The following SORBS2 variants were observed in gnomAD, a reference collection of about 807,000 sequenced individuals.
The protein encoded by SORBS2 is sorbin and SH3 domain containing 2.
In SORBS2, 46 loss-of-function variants were observed where a neutral mutation model predicts 97.7. The ratio of observed to expected loss-of-function variants is 0.47; its 90% CI spans 0.37 to 0.60. The LOEUF is 0.60. Among genes scored for constraint, SORBS2 ranks in the 20% least tolerant of loss-of-function variants. The pLI, the probability that SORBS2 is intolerant of heterozygous loss-of-function variation, is 0.00. For missense variants in SORBS2, 1,316 were observed against 1,282.3 expected (o/e 1.03, Z -0.40); for synonymous variants, 476 against 473.4 (o/e 1.01, Z -0.07).
exon 5 of SORBS2, chr4:185,662,162 T>C (rs766306193): frequency 3.1e-6 from 5 of 1,614,162 alleles, no homozygotes; most frequent in Non-Finnish European, 3.4e-6. Flanking sequence ...GGAGAGAATA[T>C]GCCGAGGGGG....
chr4:185,691,866 T>A (rs1336442208), intron 2 of SORBS2, among the ~76,000 whole-genome samples: 1 of 152,138 alleles, frequency 6.6e-6, no homozygotes, highest in Non-Finnish European at 1.5e-5. Flanking sequence ...TGCCTCAGCC[T>A]CCCAAGTAGC....
chr4:185,818,185 T>C (rs2099194466), intron 1 of SORBS2, among the ~76,000 whole-genome samples: 1 of 151,946 alleles, frequency 6.6e-6, no homozygotes. Context: ...AGTGCCTATG[T>C]GTTTGTTTGT....
chr4:185,748,361 T>C (rs1343420219), intron 2 of SORBS2, among the ~76,000 whole-genome samples: 2 of 152,180 alleles, frequency 1.3e-5, no homozygotes, highest in Non-Finnish European at 2.9e-5. Flanking sequence ...CTGGTTTTGA[T>C]TTAGGCAATA....
rs148473834 is a variant in SORBS2, at chr4:185,731,410, C to T, written c.-198+43817G>A. 2.0e-4 allele frequency among the ~76,000 whole-genome samples: 30 copies of T among 152,124 alleles called. No individual in the cohort carries two copies. The East Asian group carries it at 5.8e-3, about 30-fold the overall frequency. ...ATTTTTTCAGTGAGATTCTCTGATG[C>T]AATAACCAAGCACTGGCTTTTAGAA... On this transcript the variant is annotated intron_variant, in intron 2 of 20. Coordinates refer to the SORBS2 transcript ENST00000284776.
intron 2 of SORBS2, among the ~76,000 whole-genome samples, chr4:185,748,997 G>A (rs117790949): frequency 2.0e-5 from 3 of 152,302 alleles, no homozygotes; most frequent in East Asian, 3.9e-4. Flanking sequence ...CTCAGAGCAC[G>A]GCAGAAAGTT....
intron 2 of SORBS2, among the ~76,000 whole-genome samples, chr4:185,688,247 T>C (rs1468705389): frequency 6.6e-6 from 1 of 152,194 alleles, no homozygotes; most frequent in African/African-American, 2.4e-5. Context: ...TATGCACTGA[T>C]TAAAAGCAAA....
rs2099205616 is a variant in SORBS2 at position 185,832,374 on chromosome 4, A to AT, written c.-337-57009dup. ...AGTATTAAATAGCCTTAAATCAAAA[A>AT]TTTACCCTGACCAACTATAATAAGA... is the stretch of plus-strand genomic sequence containing the variant. On this transcript the variant is annotated intron_variant, in intron 1 of 20. Coordinates refer to the SORBS2 transcript ENST00000284776. Among the ~76,000 whole-genome samples the AT allele has an allele frequency of 2.0e-5, 3 of 152,196 alleles. No homozygotes were observed. The South Asian group carries it at 6.2e-4, about 32-fold the overall frequency.
At chr4:185,737,691 TGGTGGGCAGATATGAGGAAGGCAAGGAC>T (rs2098696785) in intron 2 of SORBS2, among the ~76,000 whole-genome samples, 1 of 152,112 alleles carries the variant, frequency 6.6e-6, no homozygotes, top group African/African-American at 2.4e-5. Context: ...CACCGCAGCG[TGGTGGGCAGATATGAGGAAGGCAAGGAC>T]TTTCCCATTG....
At chr4:185,925,611 T>C (rs1199926040) in intron 1 of SORBS2, among the ~76,000 whole-genome samples, 1 of 152,186 alleles carries the variant, frequency 6.6e-6, no homozygotes, top group Non-Finnish European at 1.5e-5. Flanking sequence ...TGGAAATATA[T>C]GATGATGACT....
intron 2 of SORBS2, among the ~76,000 whole-genome samples, chr4:185,685,582 A>T (rs965147496): frequency 3.3e-5 from 5 of 152,104 alleles, no homozygotes; most frequent in African/African-American, 1.2e-4. Context: ...CCCAGGCTGG[A>T]GTGCAGTGGT....
rs138723482 is a variant in SORBS2 at position 185,726,383 on chromosome 4, C to T, written c.-197-47561G>A. ...CTTTATTCACATCTGTGTCTTTCAT[C>T]GTACCTTATGTATAACAGGCTTGCA... On this transcript the variant is annotated intron_variant, in intron 2 of 20. Coordinates refer to the SORBS2 transcript ENST00000284776. 3.6e-3 allele frequency among the ~76,000 whole-genome samples: 547 copies of T among 152,174 alleles called. 6 individuals carry two copies. Among genetic ancestry groups the T allele is most frequent in the East Asian group, 9.1e-3 (47 of 5,182 alleles).
At chr4:185,908,319 ATATTTG>A (rs2099252751) in intron 1 of SORBS2, among the ~76,000 whole-genome samples, 2 of 133,634 alleles carry the variant, frequency 1.5e-5, no homozygotes, top group Non-Finnish European at 3.3e-5. Flanking sequence ...ATATATATAT[ATATTTG>A]TATACACACA....
At chr4:185,586,313 A>AT (rs1469076236) in exon 15 of SORBS2, 1 of 152,650 alleles carries the variant, frequency 6.6e-6, no homozygotes, top group Non-Finnish European at 1.5e-5. Flanking sequence ...TCCCAATATC[A>AT]TTTTTTAAAT....
chr4:185,863,379 C>T (rs913889811), intron 1 of SORBS2, among the ~76,000 whole-genome samples: 3 of 152,198 alleles, frequency 2.0e-5, no homozygotes, highest in African/African-American at 7.2e-5. Flanking sequence ...TGGATCATTA[C>T]AGTACTGTGC....
intron 2 of SORBS2, 145 bp downstream of exon 10, chr4:185,652,517 G>A (rs2097331688): frequency 1.5e-6 from 1 of 680,210 alleles, no homozygotes; most frequent in Non-Finnish European, 2.6e-6. Context: ...GGTGACAGAA[G>A]GAGAACAGGA....
chr4:185,955,690 C>T (rs1289844899), intron 1 of SORBS2, among the ~76,000 whole-genome samples: 1 of 152,192 alleles, frequency 6.6e-6, no homozygotes, highest in African/African-American at 2.4e-5. Context: ...TTATTAAGCA[C>T]AGTGAAAATA....
chr4:185,804,615 T>A (rs192761450), intron 1 of SORBS2, among the ~76,000 whole-genome samples: 3 of 152,326 alleles, frequency 2.0e-5, no homozygotes, highest in Admixed American at 2.0e-4. Flanking sequence ...ATTATACTTA[T>A]AGATTTTGTG....
intron 1 of SORBS2, among the ~76,000 whole-genome samples, chr4:185,906,691 C>A (rs1199749634): frequency 6.6e-6 from 1 of 152,168 alleles, no homozygotes; most frequent in Non-Finnish European, 1.5e-5. Context: ...ATACGTATCT[C>A]GGACTATATG....
chr4:185,614,809 A>G (rs1273351015), intron 11 of SORBS2, 22 bp downstream of exon 23: 2 of 1,612,716 alleles, frequency 1.2e-6, no homozygotes, highest in South Asian at 2.2e-5. Context: ...AAAACAAACA[A>G]ACAAAAAACC....
Sources: allele counts gnomAD v4.1 joint callset (sites outside exome capture counted in the v4.1 genomes callset), GRCh38; gene constraint gnomAD v4.1.1; transcripts MANE v1.5; gene names NCBI Gene and HGNC (gene_info 2026-07-23, HGNC 2026-07-21).